FBN2: variants seen among roughly 807,000 people sequenced by gnomAD.
FBN2 encodes the protein fibrillin-2.
FBN2 carries 105 observed loss-of-function variants against 355.6 expected under a neutral mutation model. That is an observed-to-expected ratio of 0.30 (90% CI 0.25 to 0.35). The LOEUF (loss-of-function observed/expected upper bound fraction) is 0.35. Among genes scored for constraint, FBN2 ranks in the 10% least tolerant of loss-of-function variants. The pLI is 1.00. For synonymous variants in FBN2, 1,350 were observed against 1,301.2 expected, an observed-to-expected ratio of 1.04 and a Z score of -0.81; for missense variants, 3,280 against 3,758.7, an observed-to-expected ratio of 0.87 and a Z score of 3.33.
chr5:128,357,143 G>A, intron 20 of FBN2, 133 bp downstream of exon 20: 1 of 1,152,378 alleles, frequency 8.7e-7, no homozygotes, highest in Admixed American at 1.9e-5. Context: ...TTGATATTGA[G>A]TAAAAACAAC....
intron 6 of FBN2, among the ~76,000 whole-genome samples, chr5:128,462,693 T>TG (rs1319336761): frequency 2.6e-5 from 4 of 152,098 alleles, no homozygotes; most frequent in East Asian, 3.8e-4. Context: ...TAATTGTGTT[T>TG]GGGAAAAAAA....
chr5:128,427,524 G>A (rs1561451905), intron 7 of FBN2, among the ~76,000 whole-genome samples: 1 of 152,130 alleles, frequency 6.6e-6, no homozygotes, highest in Non-Finnish European at 1.5e-5. Flanking sequence ...TGAGGCACCT[G>A]GAGAAAGCCA....
intron 8 of FBN2, among the ~76,000 whole-genome samples, chr5:128,402,992 A>G (rs758085007): frequency 3.3e-5 from 5 of 152,192 alleles, no homozygotes; most frequent in Non-Finnish European, 7.4e-5. Flanking sequence ...TTCTCCTTCT[A>G]ACACACTTCT....
At chr5:128,262,489 A>T (rs1339409525) in intron 63 of FBN2, among the ~76,000 whole-genome samples, 1 of 152,236 alleles carries the variant, frequency 6.6e-6, no homozygotes, top group Non-Finnish European at 1.5e-5. Flanking sequence ...TAACTCCAGA[A>T]GGTAAAAGTA....
At chr5:128,286,232 A>G (rs1749141729) in intron 55 of FBN2, among the ~76,000 whole-genome samples, 1 of 152,206 alleles carries the variant, frequency 6.6e-6, no homozygotes, top group Non-Finnish European at 1.5e-5. Flanking sequence ...AAATCCAATT[A>G]TAATTTGTTG....
intron 7 of FBN2, among the ~76,000 whole-genome samples, chr5:128,427,100 A>G (rs1420430118): frequency 6.6e-6 from 1 of 152,158 alleles, no homozygotes; most frequent in African/African-American, 2.4e-5. Context: ...CTAGCTGTCT[A>G]ACAGATGTCT....
chr5:128,292,842 G>T (rs1158014956), intron 48 of FBN2, among the ~76,000 whole-genome samples: 1 of 152,122 alleles, frequency 6.6e-6, no homozygotes, highest in African/African-American at 2.4e-5. Context: ...TTCTTGAACT[G>T]CCACCCTCTC....
intron 34 of FBN2, among the ~76,000 whole-genome samples, chr5:128,322,815 A>G (rs890345412): frequency 6.6e-6 from 1 of 152,160 alleles, no homozygotes; most frequent in Non-Finnish European, 1.5e-5. Context: ...AAGAAAGTCA[A>G]TGGTAGCTTG....
At chr5:128,302,944 A>G in intron 46 of FBN2, 29 bp downstream of exon 46, 1 of 1,148,872 alleles carries the variant, frequency 8.7e-7, no homozygotes, top group Non-Finnish European at 1.3e-6. Flanking sequence ...ATGAAATAGA[A>G]GCAATAAAGG....
At chr5:128,454,367 G>A (rs1754330423) in intron 6 of FBN2, among the ~76,000 whole-genome samples, 1 of 152,122 alleles carries the variant, frequency 6.6e-6, no homozygotes, top group South Asian at 2.1e-4. Context: ...TTTTTTAATT[G>A]TTTAGGAATA....
chr5:128,452,141 AAGCATGCCTC>A (rs2127065984), intron 6 of FBN2, among the ~76,000 whole-genome samples: 1 of 152,298 alleles, frequency 6.6e-6, no homozygotes, highest in South Asian at 2.1e-4. Context: ...AAATATAAAA[AAGCATGCCTC>A]AAGCCTTCAA....
intron 13 of FBN2, 123 bp from the exon 14 acceptor site, chr5:128,376,976 T>C: frequency 8.1e-7 from 1 of 1,232,798 alleles, no homozygotes; most frequent in Non-Finnish European, 1.2e-6. Flanking sequence ...TGGCTTTTAG[T>C]TTTTTTTAAA....
chr5:128,369,129 A>G (rs914713502), intron 16 of FBN2, 53 bp downstream of exon 16: 1 of 1,575,302 alleles, frequency 6.3e-7, no homozygotes, highest in African/African-American at 1.3e-5. Flanking sequence ...CCAAACATCT[A>G]AGGTTGTATT....
At chr5:128,266,892 G>A (rs1765127613) in intron 62 of FBN2, among the ~76,000 whole-genome samples, 1 of 151,802 alleles carries the variant, frequency 6.6e-6, no homozygotes, top group Non-Finnish European at 1.5e-5. Flanking sequence ...TGTGCAGAAT[G>A]TGCAGGTTTG....
intron 5 of FBN2, among the ~76,000 whole-genome samples, chr5:128,483,509 T>TTC (rs886381916): frequency 6.6e-6 from 1 of 152,072 alleles, no homozygotes; most frequent in African/African-American, 2.4e-5. Flanking sequence ...GCTGAGTTTT[T>TTC]TTTTTTTAAA....
intron 64 of FBN2, among the ~76,000 whole-genome samples, chr5:128,260,438 C>T (rs1764936005): frequency 6.6e-6 from 1 of 152,146 alleles, no homozygotes. Flanking sequence ...CCAAGTCTGA[C>T]TTTTGCTCAG....
chr5:128,458,153 T>C (rs1754452709), intron 6 of FBN2, among the ~76,000 whole-genome samples: 1 of 151,938 alleles, frequency 6.6e-6, no homozygotes, highest in Middle Eastern at 3.4e-3. Flanking sequence ...AGCAAAAAAA[T>C]GCAGGGGTTG....
chr5:128,270,116 T>C (rs1302564612), intron 62 of FBN2, among the ~76,000 whole-genome samples: 1 of 152,134 alleles, frequency 6.6e-6, no homozygotes, highest in Non-Finnish European at 1.5e-5. Flanking sequence ...ATTCAGTAAA[T>C]GGTGCTGGGA....
chr5:128,282,898 C>T (rs1749018266), intron 55 of FBN2, among the ~76,000 whole-genome samples: 1 of 152,146 alleles, frequency 6.6e-6, no homozygotes, highest in Non-Finnish European at 1.5e-5. Context: ...GGCTTCATTT[C>T]AATGAGACTC....
Sources: gnomAD v4.1 joint callset for allele counts (sites outside exome capture counted in the v4.1 genomes callset) on GRCh38, gnomAD v4.1.1 for gene constraint, MANE v1.5 for transcripts, NCBI Gene and HGNC (gene_info 2026-07-23, HGNC 2026-07-21) for gene names.